Variants in DPP8 observed in about 807,000 individuals in gnomAD.
DPP8 encodes DPP VIII.
Under a neutral mutation model 107.5 loss-of-function variants are expected in DPP8, and 31 were observed. That is an observed-to-expected ratio of 0.29 (90% CI 0.22 to 0.39). The LOEUF is 0.39. Ranked by LOEUF, DPP8 falls within the 10% of genes least tolerant of loss-of-function variation. DPP8 has a pLI of 1.00. For synonymous variants in DPP8, 381 were observed against 356.6 expected (o/e 1.07, Z -0.77); for missense variants, 842 against 1,076.1 (o/e 0.78, Z 3.04).
chr15:65,478,712 CTG>C (rs1412286675), intron 11 of DPP8, among the ~76,000 whole-genome samples, 166 bp downstream of exon 11: 3 of 152,154 alleles, frequency 2.0e-5, no homozygotes, highest in Non-Finnish European at 4.4e-5. Flanking sequence ...GAACATTGTC[CTG>C]TGTTTTTTAC....
At chr15:65,474,661 G>A (rs553383150) in intron 11 of DPP8, among the ~76,000 whole-genome samples, 1 of 152,278 alleles carries the variant, frequency 6.6e-6, no homozygotes, top group Non-Finnish European at 1.5e-5. Context: ...TGGTAGCAAT[G>A]AGGTCTCACT....
Position 65,498,377 on chromosome 15 carries a change from G to A in DPP8, c.547-345C>T, listed in dbSNP as rs377200950. ...GTGGATGTTGCAGTGAGCCAAGATC[G>A]TGCCACTGCACTCCAACCTGGGTGA... is the stretch of plus-strand genomic sequence containing the variant. On this transcript the variant is annotated intron_variant, in intron 4 of 19. Transcript: ENST00000300141. Among the ~76,000 whole-genome samples the A allele has an allele frequency of 1.4e-3, 210 of 151,774 alleles. 1 individual carries two copies. Among genetic ancestry groups the A allele is most frequent in the African/African-American group, 4.7e-3 (194 of 41,350 alleles).
Position 65,480,237 on chromosome 15 carries a change from T to C in DPP8, c.1281A>G (p.Thr427=), listed in dbSNP as rs1478861677. ...VTPLIIYEET[T]DIWINIHDIF... is the part of the protein sequence containing the mutation. The stretch of plus-strand genomic sequence containing the variant: ...AAATGCATACATTTATCCAGATGTC[T>C]GTTGTTTCTTCATAGATAATTAGTG... Residue 427 remains threonine, a synonymous_variant, in exon 10 of 20, where the codon ACA becomes ACG. Coordinates refer to ENST00000300141, the MANE Select transcript of DPP8 (RefSeq NM_130434.5). 6.2e-7 allele frequency: 1 copy of C among 1,612,864 alleles called. No individual in the cohort carries two copies. The highest frequency in any genetic ancestry group is 8.5e-7 in the Non-Finnish European group (1 of 1,179,558).
chr15:65,498,452 T>C (rs1207693545), intron 4 of DPP8, among the ~76,000 whole-genome samples: 1 of 150,932 alleles, frequency 6.6e-6, no homozygotes, highest in Admixed American at 6.6e-5. Context: ...ACAATGATAA[T>C]TGCTTCCCAG....
At chr15:65,464,314 G>C (rs1595896875) in intron 14 of DPP8, among the ~76,000 whole-genome samples, 1 of 152,108 alleles carries the variant, frequency 6.6e-6, no homozygotes, top group African/African-American at 2.4e-5. Flanking sequence ...AGTGAGCTGA[G>C]ATCACGCCAC....
In DPP8 at chr15:65,507,358, A is replaced by G. The variant is rs1272626878; in HGVS notation, c.260-3T>C. ...TTCTCTGTTCTCACCAGACATGGCTATAGGAGAAAGCAATCATTTATTATT... is the reference window on the plus strand; with the variant it reads ...TTCTCTGTTCTCACCAGACATGGCTGTAGGAGAAAGCAATCATTTATTATT... On this transcript the variant is annotated splice_polypyrimidine_tract_variant and splice_region_variant and intron_variant, in intron 2 of 19. Coordinates refer to ENST00000300141, the MANE Select transcript of DPP8 (RefSeq NM_130434.5). 6.5e-7 allele frequency: 1 copy of G among 1,544,598 alleles called. No homozygotes were observed. Among genetic ancestry groups the G allele is most frequent in the East Asian group, 2.3e-5 (1 of 44,310 alleles).
At chr15:65,450,922 C>T (rs930521644) in intron 19 of DPP8, 77 bp downstream of exon 19, 3 of 931,600 alleles carry the variant, frequency 3.2e-6, no homozygotes, top group African/African-American at 3.3e-5. Flanking sequence ...TCTGGACTTA[C>T]CCCACAGCTA....
In DPP8 at chr15:65,487,704, C is replaced by T. The variant is rs61736631; in HGVS notation, c.941G>A (p.Arg314His). 2.9e-5 allele frequency: 46 copies of T among 1,607,694 alleles called. No homozygotes were observed. The highest frequency in any genetic ancestry group is 3.8e-5 in the Non-Finnish European group (45 of 1,177,364). ...MLETRRADSF[R>H]YPKTGTANPK... ...GAGTACAGTACCTGTTTTAGGATAA[C>T]GGAATGAATCTGCCCTCCTTGTTTC... Residue 314 changes from arginine to histidine, a missense_variant, in exon 7 of 20, where the codon CGT becomes CAT. By Grantham distance (29) the Arg-to-His change is conservative. Around this residue, in one of 2 missense-constraint regions of DPP8, gnomAD observed 663 missense variants for 758.0 expected, o/e 0.87. Transcript: ENST00000300141.
chr15:65,506,655 T>C (rs1040607223), intron 3 of DPP8, among the ~76,000 whole-genome samples: 2 of 148,624 alleles, frequency 1.3e-5, no homozygotes, highest in Non-Finnish European at 3.0e-5. Flanking sequence ...ATAAAATATA[T>C]AAACATATAA....
chr15:65,504,214 T>C (rs1423922939), intron 3 of DPP8, among the ~76,000 whole-genome samples: 2 of 151,514 alleles, frequency 1.3e-5, no homozygotes, highest in African/African-American at 4.8e-5. Context: ...AAATACAAAA[T>C]CATCCGGGTG....
intron 3 of DPP8, among the ~76,000 whole-genome samples, chr15:65,506,340 GATA>G (rs1415432303): frequency 6.6e-6 from 1 of 151,842 alleles, no homozygotes. Flanking sequence ...AAAAAAAAAT[GATA>G]ATAATAAATA....
At chr15:65,448,865 A>AATATATATATAT (rs58549410) in intron 19 of DPP8, among the ~76,000 whole-genome samples, 6 of 53,312 alleles carry the variant, frequency 1.1e-4, no homozygotes, top group Non-Finnish European at 1.6e-4. Flanking sequence ...ATATATCTAA[A>AATATATATATAT]ATATATATAT....
At chr15:65,503,669 G>A (rs2069533021) in intron 3 of DPP8, among the ~76,000 whole-genome samples, 1 of 150,136 alleles carries the variant, frequency 6.7e-6, no homozygotes, top group Admixed American at 6.6e-5. Flanking sequence ...GTCACTCAGG[G>A]TAGAGTGCAG....
At chr15:65,512,088 G>A (rs1596156007) in intron 2 of DPP8, 1 of 703,898 alleles carries the variant, frequency 1.4e-6, no homozygotes, top group Middle Eastern at 2.3e-4. Context: ...AAACGATCAT[G>A]ATCAATTAAT....
chr15:65,495,683 G>C (rs189503522), intron 5 of DPP8, among the ~76,000 whole-genome samples: 220 of 151,762 alleles, frequency 1.4e-3, no homozygotes, highest in African/African-American at 5.1e-3. Context: ...GGTGTATCAC[G>C]AGGTCAGAAG....
chr15:65,474,083 C>A, intron 12 of DPP8, 126 bp downstream of exon 12: 1 of 700,894 alleles, frequency 1.4e-6, no homozygotes, highest in South Asian at 1.7e-5. Flanking sequence ...CAGCCCTAGG[C>A]GACAGAGCAA....
At chr15:65,462,628 G>C (rs774461498) in intron 15 of DPP8, among the ~76,000 whole-genome samples, 2 of 151,950 alleles carry the variant, frequency 1.3e-5, no homozygotes, top group Non-Finnish European at 2.9e-5. Flanking sequence ...TCACCAGGCT[G>C]GAGTACAGTG....
At chr15:65,504,423 G>C (rs1266900114) in intron 3 of DPP8, among the ~76,000 whole-genome samples, 1 of 151,274 alleles carries the variant, frequency 6.6e-6, no homozygotes, top group African/African-American at 2.4e-5. Flanking sequence ...TGTAATTCCA[G>C]CACATTGGGA....
chr15:65,448,901 T>TATCTAAA (rs2063743811), intron 19 of DPP8, among the ~76,000 whole-genome samples: 1 of 86,164 alleles, frequency 1.2e-5, no homozygotes, highest in African/African-American at 4.8e-5. Flanking sequence ...TATATATATA[T>TATCTAAA]ATATATATAT....
Sources: allele counts gnomAD v4.1 joint callset (sites outside exome capture counted in the v4.1 genomes callset), GRCh38; gene constraint gnomAD v4.1.1; regional missense constraint gnomAD v4.1.1; transcripts MANE v1.5; gene names NCBI Gene and HGNC (gene_info 2026-07-23, HGNC 2026-07-21).